Variants in SPHK2 observed in about 807,000 individuals in gnomAD.
SPHK2 encodes the protein sphingosine kinase 2.
A neutral mutation model predicts 32.3 loss-of-function variants in SPHK2; 18 were observed. That is an observed-to-expected ratio of 0.56 (90% CI 0.39 to 0.83). The LOEUF is 0.83. Ranked by LOEUF, SPHK2 falls within the 40% of genes least tolerant of loss-of-function variation. The pLI is 0.00. For missense variants in SPHK2, 850 were observed against 908.7 expected, an observed-to-expected ratio of 0.94 and a Z score of 0.83; for synonymous variants, 462 against 417.6, an observed-to-expected ratio of 1.11 and a Z score of -1.30.
At chr19:48,625,868 C>CCTT in intron 2 of SPHK2, 23 bp from the exon 3 acceptor site, 1 of 1,607,530 alleles carries the variant, frequency 6.2e-7, no homozygotes, top group Non-Finnish European at 8.5e-7. Context: ...AATTCTCACC[C>CCTT]CTTCTCTCCT....
chr19:48,621,478 T>C (rs970249424), intron 2 of SPHK2, among the ~76,000 whole-genome samples: 2 of 152,192 alleles, frequency 1.3e-5, no homozygotes. Flanking sequence ...TCTCTCAAAG[T>C]GTTGAGCTTA....
At chr19:48,625,745 A>G (rs1219698259) in intron 2 of SPHK2, 146 bp from the exon 3 acceptor site, 1 of 1,535,132 alleles carries the variant, frequency 6.5e-7, no homozygotes, top group African/African-American at 1.4e-5. Flanking sequence ...AGGTCTGCCC[A>G]CACCTGTCTG....
rs763300552 is a variant in SPHK2 at position 48,629,795 on chromosome 19, G to A, written c.*22G>A. 6.5e-7 allele frequency: 1 copy of A among 1,536,266 alleles called. No individual in the cohort carries two copies. The highest frequency in any genetic ancestry group is 8.8e-7 in the Non-Finnish European group (1 of 1,139,726). ...CTGAAACTAAACAAGCTTGGTACCC[G>A]CCGGGGGCGGGGCCTACATTCCAAT... On this transcript the variant is annotated 3_prime_UTR_variant, in exon 7 of 7. Transcript: ENST00000245222.
In SPHK2 at chr19:48,628,411, T is replaced by A. The variant is rs767034733; in HGVS notation, c.872+134T>A. ...CTGTGGGATGCTCACCCCCAGCTCC[T>A]GGACATTTTTGCCTGCCTGCTTCCC... On this transcript the variant is annotated intron_variant, in intron 6 of 6. Coordinates refer to ENST00000245222, the MANE Select transcript of SPHK2 (RefSeq NM_020126.5). This position sits in a 1 kb window ranked among gnomAD's most constrained non-coding sequence, Gnocchi z 5.2. 3.5e-5 allele frequency: 35 copies of A among 993,936 alleles called. 1 individual carries two copies. The East Asian group carries it at 8.3e-4, about 24-fold the overall frequency. The allele number at this position is 993,936 out of a possible 1,614,324, so 61.6% of individuals were successfully genotyped here.
At position 48,630,296 on chromosome 19, in the gene SPHK2, G is replaced by A. The variant is rs2030503630; in HGVS notation, c.*523G>A. The A allele has an allele frequency of 3.9e-6, 5 of 1,285,884 alleles. No homozygotes were observed. In the East Asian group the frequency reaches 9.1e-5, roughly 23 times the overall value. 79.7% of individuals were successfully genotyped at this position (1,285,884 alleles called of 1,614,324 possible). On this transcript the variant is annotated 3_prime_UTR_variant, in exon 7 of 7. Transcript: ENST00000245222. The surrounding 1 kb of genome is among the most constrained non-coding windows in gnomAD (Gnocchi z 4.9). ...ACTAATGTTCCTCTCCCCGCGGGTG[G>A]GGGCGGGGAAATTCATATCCCCTGT...
chr19:48,628,159 C>G lies in SPHK2; in HGVS notation c.757-3C>G. 2 of 1,612,162 alleles carry G rather than the reference C, an allele frequency of 1.2e-6. No individual in the cohort carries two copies. Among genetic ancestry groups the G allele is most frequent in the Non-Finnish European group, 1.7e-6 (2 of 1,178,952 alleles). On this transcript the variant is annotated splice_region_variant and splice_polypyrimidine_tract_variant and intron_variant, in intron 5 of 6. Coordinates refer to ENST00000245222, the MANE Select transcript of SPHK2 (RefSeq NM_020126.5). This position sits in a 1 kb window ranked among gnomAD's most constrained non-coding sequence, Gnocchi z 5.2. ...CCCAGGCTTCTGGTCTCCCACCCTC[C>G]AGGTGCTGAACGGGCTCCTAGATCG...
rs191921551 is a variant in SPHK2, at chr19:48,629,783, A to C, written c.*10A>C. 1.9e-5 allele frequency: 30 copies of C among 1,550,472 alleles called. No individual in the cohort carries two copies. In the Admixed American group the frequency reaches 5.7e-4, roughly 29 times the overall value. Reference sequence around the variant, plus strand: ...GGGGCGGGAGCCCTGAAACTAAACAAGCTTGGTACCCGCCGGGGGCGGGGC... The same window carrying C: ...GGGGCGGGAGCCCTGAAACTAAACACGCTTGGTACCCGCCGGGGGCGGGGC... On this transcript the variant is annotated 3_prime_UTR_variant, in exon 7 of 7. Transcript: ENST00000245222.
chr19:48,629,801 G>C lies in SPHK2; in HGVS notation c.*28G>C. On this transcript the variant is annotated 3_prime_UTR_variant, in exon 7 of 7. Transcript: ENST00000245222. ...CTAAACAAGCTTGGTACCCGCCGGGGGCGGGGCCTACATTCCAATGGGGCG... is the reference window on the plus strand; with the variant it reads ...CTAAACAAGCTTGGTACCCGCCGGGCGCGGGGCCTACATTCCAATGGGGCG... 1 of 1,531,202 alleles carries C rather than the reference G, an allele frequency of 6.5e-7. No individual in the cohort carries two copies. Among genetic ancestry groups the C allele is most frequent in the Non-Finnish European group, 8.8e-7 (1 of 1,137,692 alleles). 94.9% of individuals were successfully genotyped at this position (1,531,202 alleles called of 1,614,324 possible). A position where few individuals can be genotyped will look rare whatever the true frequency, so the allele number is the denominator to read the frequency against.
At position 48,628,539 on chromosome 19, in the gene SPHK2, C is replaced by A; in HGVS notation, c.873-142C>A. The A allele has an allele frequency of 1.9e-6, 2 of 1,075,124 alleles. No individual in the cohort carries two copies. Among genetic ancestry groups the A allele is most frequent in the Non-Finnish European group, 2.8e-6 (2 of 705,476 alleles). The allele number at this position is 1,075,124 out of a possible 1,614,324, so 66.6% of individuals were successfully genotyped here. A position where few individuals can be genotyped will look rare whatever the true frequency, so the allele number is the denominator to read the frequency against. On this transcript the variant is annotated intron_variant, in intron 6 of 6. Coordinates refer to ENST00000245222, the MANE Select transcript of SPHK2 (RefSeq NM_020126.5). The surrounding 1 kb of genome is among the most constrained non-coding windows in gnomAD (Gnocchi z 5.2). Reference sequence around the variant, plus strand: ...CCAGGAACCTGGCCCCGTAAGGAGTCGCCTGGAGGTGGCCCCACGGCTGTG... The same window carrying A: ...CCAGGAACCTGGCCCCGTAAGGAGTAGCCTGGAGGTGGCCCCACGGCTGTG...
intron 2 of SPHK2, chr19:48,625,038 C>G: frequency 1.0e-6 from 1 of 990,794 alleles, no homozygotes; most frequent in Middle Eastern, 5.2e-4. Context: ...CAGTCCTGCT[C>G]CCACCCGCTC....
Position 48,628,624 on chromosome 19 carries a change from T to C in SPHK2, c.873-57T>C. 1.3e-6 allele frequency: 2 copies of C among 1,586,350 alleles called. No homozygotes were observed. Among genetic ancestry groups the C allele is most frequent in the Non-Finnish European group, 1.7e-6 (2 of 1,169,008 alleles). The stretch of plus-strand genomic sequence containing the variant: ...CCAGCTGCTTTCCTACCTGTCTCTT[T>C]CCCCAACCCCTGTTTGCTCCTTCCT... On this transcript the variant is annotated intron_variant, in intron 6 of 6. Transcript: ENST00000245222. The surrounding 1 kb of genome is among the most constrained non-coding windows in gnomAD (Gnocchi z 5.2).
Position 48,627,771 on chromosome 19 carries a change from G to A in SPHK2, c.591G>A (p.Trp197Ter), listed in dbSNP as rs781583818. ...VNPFGGRGLAWQWCKNHVLPM... is the reference protein window; with the variant it reads ...VNPFGGRGLA The stretch of plus-strand genomic sequence containing the variant: ...CCTTTGGGGGTCGGGGCCTGGCCTG[G>A]CAGTGGTGTAAGAACCACGTGCTTC... The change falls in exon 4 of 7, where the codon TGG becomes TGA. Residue 197 changes from tryptophan to a stop codon, truncating the protein, a stop_gained. Coordinates refer to ENST00000245222, the MANE Select transcript of SPHK2 (RefSeq NM_020126.5). LOFTEE classifies it high-confidence loss of function. The A allele has an allele frequency of 6.2e-7, 1 of 1,613,948 alleles. No homozygotes were observed. Among genetic ancestry groups the A allele is most frequent in the South Asian group, 1.1e-5 (1 of 91,046 alleles).
intron 2 of SPHK2, among the ~76,000 whole-genome samples, chr19:48,621,467 G>A (rs1974401274): frequency 6.6e-6 from 1 of 152,186 alleles, no homozygotes; most frequent in African/African-American, 2.4e-5. Context: ...TCCCACCTCA[G>A]TCTCTCAAAG....
chr19:48,622,842 T>A lies in SPHK2; in HGVS notation c.39+2289T>A, dbSNP rs544816439. On this transcript the variant is annotated intron_variant, in intron 2 of 6. Coordinates refer to ENST00000245222, the MANE Select transcript of SPHK2 (RefSeq NM_020126.5). ...GTGCAGTGGCATCATCTCGGCTCAC[T>A]GTAACCTCCGCCTCTTGGGTTCAAG... 8.7e-3 allele frequency among the ~76,000 whole-genome samples: 1,254 copies of A among 144,902 alleles called. 6 individuals are homozygous for A. Among genetic ancestry groups the A allele is most frequent in the Non-Finnish European group, 0.013 (892 of 66,734 alleles).
chr19:48,626,174 C>G lies in SPHK2; in HGVS notation c.323C>G (p.Pro108Arg). Residue 108 changes from proline (P) to arginine (R), a missense_variant, in exon 3 of 7, where the codon CCC (proline) becomes CGC (arginine). Transcript: ENST00000245222. Reference protein sequence around the residue: ...SGCCTLRSRSPSDSAAYFCIY... With the variant: ...SGCCTLRSRSRSDSAAYFCIY... ...TGCTGCACCCTGCGAAGCCGCAGCC[C>G]CTCAGACTCAGCGGCCTACTTCTGC... The G allele has an allele frequency of 6.3e-7, 1 of 1,596,082 alleles. No homozygotes were observed. The highest frequency in any genetic ancestry group is 8.5e-7 in the Non-Finnish European group (1 of 1,172,028).
At chr19:48,627,560 C>A in intron 3 of SPHK2, 132 bp from the exon 4 acceptor site, 1 of 1,118,484 alleles carries the variant, frequency 8.9e-7, no homozygotes, top group Non-Finnish European at 1.3e-6. Context: ...ATACCTAGGC[C>A]TGGCCACATG....
rs541405350 is a variant in SPHK2 at position 48,628,558 on chromosome 19, G to A, written c.873-123G>A. On this transcript the variant is annotated intron_variant, in intron 6 of 6. Transcript: ENST00000245222. This position sits in a 1 kb window ranked among gnomAD's most constrained non-coding sequence, Gnocchi z 5.2. The stretch of plus-strand genomic sequence containing the variant: ...AGGAGTCGCCTGGAGGTGGCCCCAC[G>A]GCTGTGGTGGGCCTGGGCCATGGCC... The A allele has an allele frequency of 1.9e-5, 24 of 1,271,144 alleles. No individual in the cohort carries two copies. Among genetic ancestry groups the A allele is most frequent in the Admixed American group, 1.6e-4 (9 of 57,408 alleles). The allele number at this position is 1,271,144 out of a possible 1,614,324, so 78.7% of individuals were successfully genotyped here.
chr19:48,630,239 GCA>G lies in SPHK2; in HGVS notation c.*467_*468del. 1 of 1,277,944 alleles carries G rather than the reference GCA, an allele frequency of 7.8e-7. No individual in the cohort carries two copies. Among genetic ancestry groups the G allele is most frequent in the Non-Finnish European group, 9.9e-7 (1 of 1,012,652 alleles). 79.2% of individuals were successfully genotyped at this position (1,277,944 alleles called of 1,614,324 possible). ...TAGCTGGCCAATCAGCCCAGGAGGG[GCA>G]GGTTCCCCGGGGCCGGCGCTAGGAT... On this transcript the variant is annotated 3_prime_UTR_variant, in exon 7 of 7. Transcript: ENST00000245222. This position sits in a 1 kb window ranked among gnomAD's most constrained non-coding sequence, Gnocchi z 4.9.
chr19:48,620,618 TAA>T (rs34009920), intron 2 of SPHK2, 65 bp downstream of exon 2: 8,346 of 1,005,892 alleles, frequency 8.3e-3, no homozygotes, highest in Non-Finnish European at 9.0e-3. Flanking sequence ...AGCTTTTCTT[TAA>T]AAAAAAAAAA....
Sources: gnomAD v4.1 joint callset for allele counts (sites outside exome capture counted in the v4.1 genomes callset) on GRCh38, gnomAD v4.1.1 for gene constraint, Gnocchi (gnomAD v3.1) non-coding constraint, MANE v1.5 for transcripts, NCBI Gene and HGNC (gene_info 2026-07-23, HGNC 2026-07-21) for gene names.